Variants in DMBT1 observed in about 807,000 individuals in gnomAD.
The protein encoded by DMBT1 is deleted in malignant brain tumors 1.
DMBT1 carries 198 observed loss-of-function variants against 252.9 expected under a neutral mutation model. The observed-to-expected ratio is 0.78, with a 90% CI of 0.70 to 0.88. DMBT1 has a LOEUF of 0.88. DMBT1 is among the 40% of genes least tolerant of loss of function. The pLI, the probability that DMBT1 is intolerant of heterozygous loss-of-function variation, is 0.00. For missense variants in DMBT1, 2,432 were observed against 2,404.7 expected (o/e 1.01, Z -0.24); for synonymous variants, 990 against 942.7 (o/e 1.05, Z -0.92).
rs1353937450 is a variant in DMBT1, at chr10:122,618,350, C to G, written c.5215+10C>G. The G allele has an allele frequency of 6.2e-7, 1 of 1,613,848 alleles. No individual in the cohort carries two copies. The highest frequency in any genetic ancestry group is 1.7e-5 in the Admixed American group (1 of 60,016). ...GGTGTCATCTGCTCAGGTGGGCTTT[C>G]AAGACCTTGGGCTCCCTCTCTTAAG... is the stretch of plus-strand genomic sequence containing the variant. On this transcript the variant is annotated intron_variant, in intron 41 of 55. Transcript: ENST00000338354.
chr10:122,567,074 C>T (rs2097600920), intron 2 of DMBT1, among the ~76,000 whole-genome samples: 1 of 152,256 alleles, frequency 6.6e-6, no homozygotes, highest in African/African-American at 2.4e-5. Context: ...CATGTGTTCA[C>T]TTAGGATGAC....
At chr10:122,580,926 C>T (rs2097763173) in intron 11 of DMBT1, 31 bp downstream of exon 11, 1 of 1,613,070 alleles carries the variant, frequency 6.2e-7, no homozygotes, top group Admixed American at 1.7e-5. Flanking sequence ...CTCAAAATGT[C>T]CCTTCTCTTT....
intron 26 of DMBT1, among the ~76,000 whole-genome samples, chr10:122,599,808 G>A (rs78440510): frequency 0.055 from 8,432 of 152,150 alleles, 330 homozygotes; most frequent in African/African-American, 0.11. Context: ...GCAAGGGAGA[G>A]GGTTGGTTTA....
chr10:122,628,934 A>G (rs1337456803), intron 46 of DMBT1, among the ~76,000 whole-genome samples: 2 of 152,132 alleles, frequency 1.3e-5, no homozygotes, highest in Non-Finnish European at 2.9e-5. Flanking sequence ...GTATGCTAAA[A>G]ACCATGGACT....
chr10:122,635,904 CAG>C, intron 52 of DMBT1, 85 bp from the exon 53 acceptor site: 1 of 1,420,338 alleles, frequency 7.0e-7, no homozygotes, highest in Non-Finnish European at 9.8e-7. Context: ...GTTTCTGGCA[CAG>C]AGGTGTGACC....
chr10:122,634,230 G>A (rs555243643), intron 52 of DMBT1, among the ~76,000 whole-genome samples: 1 of 152,260 alleles, frequency 6.6e-6, no homozygotes, highest in South Asian at 2.1e-4. Context: ...GTTCCCCAGG[G>A]GTCGGGCAGA....
chr10:122,593,659 A>C lies in DMBT1; in HGVS notation c.2530+61A>C, dbSNP rs893603829. ...CTCTTTCTGCCCAATCACCCCTTCC[A>C]CACTCCACAGAGCTCTCCTGTTTCT... On this transcript the variant is annotated intron_variant, in intron 21 of 55. Transcript: ENST00000338354. The C allele has an allele frequency of 1.3e-4, 196 of 1,491,850 alleles. 18 individuals carry two copies. Among genetic ancestry groups the C allele is most frequent in the Middle Eastern group, 1.7e-4 (1 of 5,786 alleles). The allele number at this position is 1,491,850 out of a possible 1,614,324, so 92.4% of individuals were successfully genotyped here.
intron 40 of DMBT1, 100 bp from the exon 41 acceptor site, chr10:122,617,917 G>A: frequency 6.4e-7 from 1 of 1,561,322 alleles, no homozygotes; most frequent in Non-Finnish European, 8.7e-7. Flanking sequence ...TGCTTGCCCA[G>A]GTGACTCTGG....
chr10:122,567,050 T>A (rs575005297), intron 2 of DMBT1, among the ~76,000 whole-genome samples: 3 of 152,356 alleles, frequency 2.0e-5, no homozygotes, highest in South Asian at 4.1e-4. Flanking sequence ...CAAGTTTAAT[T>A]TTTCAGGGCC....
chr10:122,577,045 C>T (rs1047882622), intron 7 of DMBT1, among the ~76,000 whole-genome samples: 3 of 152,196 alleles, frequency 2.0e-5, no homozygotes, highest in African/African-American at 4.8e-5. Flanking sequence ...CCCCAAGCTG[C>T]GAGCAGTGCC....
At chr10:122,573,567 G>A (rs903035254) in intron 5 of DMBT1, 148 bp from the exon 6 acceptor site, 2 of 977,690 alleles carry the variant, frequency 2.0e-6, no homozygotes, top group Admixed American at 1.9e-5. Context: ...CAATGACAAA[G>A]CGATTGGCAC....
intron 1 of DMBT1, 101 bp downstream of exon 1, chr10:122,560,932 A>G (rs1157473483): frequency 2.4e-6 from 2 of 827,424 alleles, no homozygotes; most frequent in African/African-American, 1.7e-5. Flanking sequence ...TTTTATATCA[A>G]AGAGTGGGTA....
At position 122,636,031 on chromosome 10, in the gene DMBT1, G is replaced by A. The variant is rs549719991; in HGVS notation, c.6589G>A (p.Asp2197Asn). Residue 2197 changes from aspartate to asparagine, a missense_variant, in exon 53 of 56, where the codon GAT (aspartate) becomes AAT (asparagine). By Grantham distance (23) the Asp-to-Asn change is conservative. Coordinates refer to ENST00000338354, the MANE Select transcript of DMBT1 (RefSeq NM_001377530.1). The stretch of plus-strand genomic sequence containing the variant: ...CAACTATGATTATATTGAAGTTTTC[G>A]ATGGCCCCTACCGCAGTTCCCCTCT... Reference protein sequence around the residue: ...GCNYDYIEVFDGPYRSSPLIA... With the variant: ...GCNYDYIEVFNGPYRSSPLIA... The A allele has an allele frequency of 9.3e-6, 15 of 1,613,944 alleles. No individual in the cohort carries two copies. Among genetic ancestry groups the A allele is most frequent in the Admixed American group, 1.7e-5 (1 of 60,008 alleles).
chr10:122,589,892 T>C (rs1460835108), intron 17 of DMBT1, among the ~76,000 whole-genome samples: 2 of 148,600 alleles, frequency 1.3e-5, no homozygotes, highest in African/African-American at 4.9e-5. Flanking sequence ...ACATCAGGCC[T>C]CACCTCTATA....
At chr10:122,571,013 G>C (rs374326685) in intron 4 of DMBT1, 76 bp downstream of exon 4, 31 of 1,528,394 alleles carry the variant, frequency 2.0e-5, no homozygotes, top group Admixed American at 5.0e-5. Context: ...ATTCAGACGA[G>C]GTGCAGAGGG....
intron 16 of DMBT1, among the ~76,000 whole-genome samples, chr10:122,588,451 C>A (rs1172880108): frequency 6.7e-6 from 1 of 148,766 alleles, no homozygotes; most frequent in Non-Finnish European, 1.5e-5. Context: ...CCCTGGAGGG[C>A]TCCCTACTCC....
At chr10:122,636,475 G>C (rs111901285) in intron 53 of DMBT1, among the ~76,000 whole-genome samples, 1 of 152,238 alleles carries the variant, frequency 6.6e-6, no homozygotes, top group African/African-American at 2.4e-5. Context: ...TTCGTGGAGA[G>C]TGATGAGTCA....
In DMBT1 at chr10:122,579,708, G is replaced by C. The variant is rs747952382; in HGVS notation, c.810G>C (p.Val270=). The C allele has an allele frequency of 6.2e-6, 10 of 1,613,878 alleles. No individual in the cohort carries two copies. The highest frequency in any genetic ancestry group is 1.1e-5 in the South Asian group (1 of 91,074). The change falls in exon 10 of 56, where the codon GTG becomes GTC. Residue 270 remains valine, a synonymous_variant. Transcript: ENST00000338354. ...DDYWDTNDAN[V]VCRQLGCGWA... Reference sequence around the variant, plus strand: ...ACTGGGACACCAATGATGCCAATGTGGTCTGCAGGCAGCTGGGCTGTGGCT... The same window carrying C: ...ACTGGGACACCAATGATGCCAATGTCGTCTGCAGGCAGCTGGGCTGTGGCT...
intron 25 of DMBT1, 90 bp downstream of exon 25, chr10:122,598,102 G>A: frequency 1.3e-6 from 2 of 1,583,132 alleles, no homozygotes; most frequent in Non-Finnish European, 1.7e-6. Context: ...GGTCAAGGTG[G>A]GCCCCTCTCT....
Sources: gnomAD v4.1 joint callset for allele counts (sites outside exome capture counted in the v4.1 genomes callset) on GRCh38, gnomAD v4.1.1 for gene constraint, MANE v1.5 for transcripts, NCBI Gene and HGNC (gene_info 2026-07-23, HGNC 2026-07-21) for gene names.